GABRG3: variants seen among roughly 807,000 people sequenced by gnomAD.
The protein encoded by GABRG3 is gamma-aminobutyric acid type A receptor subunit gamma3.
A neutral mutation model predicts 48.8 loss-of-function variants in GABRG3; 25 were observed. The observed-to-expected ratio is 0.51, with a 90% CI of 0.37 to 0.72. The LOEUF (loss-of-function observed/expected upper bound fraction) is 0.72. Ranked by LOEUF, GABRG3 falls within the 30% of genes least tolerant of loss-of-function variation. The pLI, the probability that GABRG3 is intolerant of heterozygous loss-of-function variation, is 0.00. For missense variants in GABRG3, 394 were observed against 577.9 expected, an observed-to-expected ratio of 0.68 and a Z score of 3.26; for synonymous variants, 227 against 217.6, an observed-to-expected ratio of 1.04 and a Z score of -0.38.
intron 3 of GABRG3, among the ~76,000 whole-genome samples, chr15:27,248,833 G>GAGAAAA: frequency 6.7e-6 from 1 of 149,520 alleles, no homozygotes; most frequent in South Asian, 2.2e-4. Context: ...GAGAGAGAGA[G>GAGAAAA]AGACAGAGAG....
Position 27,179,637 on chromosome 15 carries a change from C to G in GABRG3, c.271-147172C>G, listed in dbSNP as rs993672293. Among the ~76,000 whole-genome samples the G allele has an allele frequency of 1.3e-5, 2 of 152,238 alleles. No homozygotes were observed. Among genetic ancestry groups the G allele is most frequent in the South Asian group, 4.1e-4 (2 of 4,826 alleles). The stretch of plus-strand genomic sequence containing the variant: ...TCCAGACTACAAAGATGCACAGAAC[C>G]CTCGAGTCCTGTTGTCCTGCCGGGG... On this transcript the variant is annotated intron_variant, in intron 3 of 9. Transcript: ENST00000615808. This position sits in a 1 kb window ranked among gnomAD's most constrained non-coding sequence, Gnocchi z 4.0.
At chr15:27,380,800 C>G (rs1895746048) in intron 5 of GABRG3, among the ~76,000 whole-genome samples, 1 of 141,192 alleles carries the variant, frequency 7.1e-6, no homozygotes, top group Non-Finnish European at 1.5e-5. Flanking sequence ...GAGTCTCACT[C>G]TGTTGCCCAG....
chr15:27,205,642 A>C (rs562697584), intron 3 of GABRG3, among the ~76,000 whole-genome samples: 1 of 151,816 alleles, frequency 6.6e-6, no homozygotes, highest in South Asian at 2.1e-4. Context: ...AATTGGTATA[A>C]ACTATTCTTT....
intron 3 of GABRG3, among the ~76,000 whole-genome samples, chr15:27,055,006 G>GT (rs150102149): frequency 0.015 from 2,126 of 141,094 alleles, 26 homozygotes; most frequent in Non-Finnish European, 0.021. Context: ...GCCAAGACCT[G>GT]TTTTTTTTTT....
In GABRG3 at chr15:27,537,086, T is replaced by C. The variant is rs1053765075; in HGVS notation, c.*4205T>C. On this transcript the variant is annotated 3_prime_UTR_variant, in exon 10 of 10. Coordinates refer to ENST00000615808, the MANE Select transcript of GABRG3 (RefSeq NM_033223.5). ...TTTGAGTGCTTTTCCTGAGCGATTT[T>C]AAACTCTACCCGTAAGAAATTTCAT... The C allele has an allele frequency of 1.3e-5, 2 of 149,926 alleles. No individual in the cohort carries two copies. The highest frequency in any genetic ancestry group is 3.0e-5 in the Non-Finnish European group (2 of 67,782). 9.3% of individuals were successfully genotyped at this position (149,926 alleles called of 1,614,324 possible).
intron 1 of GABRG3, among the ~76,000 whole-genome samples, chr15:26,971,854 G>C (rs1009940008): frequency 2.6e-5 from 4 of 152,150 alleles, no homozygotes; most frequent in African/African-American, 4.8e-5. Context: ...GTGGTTTTAA[G>C]GGGTTTTGAG....
intron 5 of GABRG3, among the ~76,000 whole-genome samples, chr15:27,463,474 G>C (rs1460796042): frequency 6.6e-6 from 1 of 151,970 alleles, no homozygotes; most frequent in South Asian, 2.1e-4. Context: ...CAGTGGGCCA[G>C]AAGCAGATGA....
chr15:27,335,796 A>G (rs1480280390), intron 5 of GABRG3, among the ~76,000 whole-genome samples: 1 of 152,186 alleles, frequency 6.6e-6, no homozygotes, highest in African/African-American at 2.4e-5. Flanking sequence ...TGTACACTGA[A>G]AATGATTAAA....
chr15:27,463,518 C>T (rs1889511285), intron 5 of GABRG3, among the ~76,000 whole-genome samples: 4 of 152,180 alleles, frequency 2.6e-5, no homozygotes, highest in Admixed American at 2.6e-4. Flanking sequence ...CCCTGGCCCT[C>T]ATTCACACGG....
chr15:27,456,541 G>A (rs1172684864), intron 5 of GABRG3, among the ~76,000 whole-genome samples: 1 of 152,200 alleles, frequency 6.6e-6, no homozygotes, highest in Non-Finnish European at 1.5e-5. Flanking sequence ...CATTATACAA[G>A]AAGAGGCCAG....
intron 5 of GABRG3, among the ~76,000 whole-genome samples, chr15:27,477,611 T>C (rs1009065268): frequency 2.5e-4 from 38 of 152,176 alleles, no homozygotes; most frequent in African/African-American, 8.0e-4. Context: ...TTGTAACCAA[T>C]GTACCATTCT....
intron 3 of GABRG3, among the ~76,000 whole-genome samples, chr15:27,124,161 G>A (rs1300578909): frequency 6.6e-6 from 1 of 152,158 alleles, no homozygotes; most frequent in Non-Finnish European, 1.5e-5. Context: ...GGGACAAATT[G>A]CAATGTCCAT....
At position 27,176,164 on chromosome 15, in the gene GABRG3, G is replaced by A. The variant is rs1887739227; in HGVS notation, c.270+149343G>A. 2.0e-5 allele frequency among the ~76,000 whole-genome samples: 3 copies of A among 152,086 alleles called. No homozygotes were observed. The South Asian group carries it at 6.2e-4, about 32-fold the overall frequency. On this transcript the variant is annotated intron_variant, in intron 3 of 9. Transcript: ENST00000615808. ...CACACAGCTTTTACTATGCTAATGTGTAATGTGAATTTCTCAAAGAGCTAG... is the reference window on the plus strand; with the variant it reads ...CACACAGCTTTTACTATGCTAATGTATAATGTGAATTTCTCAAAGAGCTAG...
chr15:27,088,783 T>C (rs1195057888), intron 3 of GABRG3, among the ~76,000 whole-genome samples: 2 of 151,844 alleles, frequency 1.3e-5, no homozygotes, highest in African/African-American at 2.4e-5. Context: ...CCCCTCACAA[T>C]TGGAGGTGAG....
At chr15:27,187,483 T>C (rs73375508) in intron 3 of GABRG3, among the ~76,000 whole-genome samples, 2,393 of 152,324 alleles carry the variant, frequency 0.016, 62 homozygotes, top group African/African-American at 0.055. Context: ...GTTGAATATG[T>C]AAATCACTTT....
At chr15:27,221,141 T>G (rs1352368879) in intron 3 of GABRG3, among the ~76,000 whole-genome samples, 1 of 152,224 alleles carries the variant, frequency 6.6e-6, no homozygotes, top group Non-Finnish European at 1.5e-5. Flanking sequence ...ACAAAACAGA[T>G]GATTAAAATC....
intron 3 of GABRG3, among the ~76,000 whole-genome samples, chr15:27,284,563 CT>C (rs776819981): frequency 1.1e-4 from 16 of 152,146 alleles, no homozygotes; most frequent in Non-Finnish European, 2.1e-4. Flanking sequence ...ATCTTCACCC[CT>C]TTTTTATTGT....
intron 3 of GABRG3, among the ~76,000 whole-genome samples, chr15:27,151,042 C>T (rs1025356202): frequency 1.2e-4 from 18 of 152,272 alleles, no homozygotes; most frequent in African/African-American, 3.6e-4. Context: ...TTTGGGATAG[C>T]TGTAGCTTTA....
intron 2 of GABRG3, among the ~76,000 whole-genome samples, chr15:27,011,541 G>A (rs1895686604): frequency 2.0e-5 from 3 of 152,164 alleles, no homozygotes; most frequent in African/African-American, 7.2e-5. Flanking sequence ...CCTAGGTCAG[G>A]ATACTACTTA....
Sources: allele counts gnomAD v4.1 joint callset (sites outside exome capture counted in the v4.1 genomes callset), GRCh38; gene constraint gnomAD v4.1.1; non-coding constraint Gnocchi (gnomAD v3.1); transcripts MANE v1.5; gene names NCBI Gene and HGNC (gene_info 2026-07-23, HGNC 2026-07-21).